Variants in MIS18BP1 observed in about 807,000 individuals in gnomAD.
MIS18BP1 encodes MIS18 binding protein 1, also known as mis18-binding protein 1.
A neutral mutation model predicts 116.1 loss-of-function variants in MIS18BP1; 72 were observed. The observed-to-expected ratio is 0.62, with a 90% confidence interval of 0.51 to 0.75. The LOEUF (loss-of-function observed/expected upper bound fraction) is 0.75. Ranked by LOEUF, MIS18BP1 falls within the 30% of genes least tolerant of loss-of-function variation. MIS18BP1 has a pLI of 0.00. For missense variants in MIS18BP1, 1,363 were observed against 1,303.2 expected, an observed-to-expected ratio of 1.05 and a Z score of -0.71; for synonymous variants, 386 against 427.0, an observed-to-expected ratio of 0.90 and a Z score of 1.18.
chr14:45,236,467 T>C (rs1891431704), intron 5 of MIS18BP1, among the ~76,000 whole-genome samples: 1 of 152,190 alleles, frequency 6.6e-6, no homozygotes, highest in African/African-American at 2.4e-5. Flanking sequence ...CATAAATCTA[T>C]TCTTTATATT....
chr14:45,246,237 A>G (rs2139247593), intron 2 of MIS18BP1, among the ~76,000 whole-genome samples: 1 of 152,266 alleles, frequency 6.6e-6, no homozygotes, highest in South Asian at 2.1e-4. Context: ...TTTACCTACA[A>G]GGCCCTTATA....
At chr14:45,227,148 TGAGA>T (rs1891143627) in intron 9 of MIS18BP1, among the ~76,000 whole-genome samples, 1 of 152,176 alleles carries the variant, frequency 6.6e-6, no homozygotes, top group Non-Finnish European at 1.5e-5. Flanking sequence ...ATTTTTTCAT[TGAGA>T]GACAGGGAAA....
chr14:45,203,860 CTA>C lies in MIS18BP1; in HGVS notation c.*247_*248del. 4.7e-6 allele frequency: 1 copy of C among 212,772 alleles called. No homozygotes were observed. The allele number at this position is 212,772 out of a possible 1,614,324, so 13.2% of individuals were successfully genotyped here. On this transcript the variant is annotated 3_prime_UTR_variant, in exon 17 of 17. Coordinates refer to ENST00000310806, the MANE Select transcript of MIS18BP1 (RefSeq NM_018353.5). The stretch of plus-strand genomic sequence containing the variant: ...ACTTGGATGCTTATTAAAAAATTAT[CTA>C]TATATATTTTAATATGCAAAAACAA...
Position 45,204,053 on chromosome 14 carries a change from T to TACAA in MIS18BP1, c.*52_*55dup. 1 of 1,572,868 alleles carries TACAA rather than the reference T, an allele frequency of 6.4e-7. No homozygotes were observed. The highest frequency in any genetic ancestry group is 8.6e-7 in the Non-Finnish European group (1 of 1,162,844). ...AAAATACATGTACTCCAGTTGAAAA[T>TACAA]ACAAACACTGTCTGCTTTATGGTAA... On this transcript the variant is annotated 3_prime_UTR_variant, in exon 17 of 17. Coordinates refer to ENST00000310806, the MANE Select transcript of MIS18BP1 (RefSeq NM_018353.5).
At chr14:45,237,193 G>A (rs753065886) in intron 5 of MIS18BP1, among the ~76,000 whole-genome samples, 1 of 151,952 alleles carries the variant, frequency 6.6e-6, no homozygotes, top group Non-Finnish European at 1.5e-5. Flanking sequence ...CTCACTTTAG[G>A]GAGAACCAGA....
chr14:45,220,910 G>C (rs1306947293), intron 11 of MIS18BP1, among the ~76,000 whole-genome samples: 1 of 152,120 alleles, frequency 6.6e-6, no homozygotes, highest in African/African-American at 2.4e-5. Flanking sequence ...CAAGGCAGGT[G>C]AATCACTTGA....
chr14:45,250,580 G>T (rs191943362), intron 1 of MIS18BP1, among the ~76,000 whole-genome samples: 9 of 152,294 alleles, frequency 5.9e-5, no homozygotes, highest in African/African-American at 2.2e-4. Context: ...ACTGGAGAAA[G>T]TATGTTTCCG....
intron 8 of MIS18BP1, 93 bp downstream of exon 8, chr14:45,231,048 A>G: frequency 1.5e-6 from 2 of 1,325,104 alleles, no homozygotes. Flanking sequence ...TATACTATAC[A>G]CATTACTACT....
chr14:45,214,722 GCTGT>G (rs1185411517), intron 13 of MIS18BP1, among the ~76,000 whole-genome samples: 17 of 152,248 alleles, frequency 1.1e-4, no homozygotes, highest in Admixed American at 3.3e-4. Context: ...ATAATTTGTT[GCTGT>G]CTATTTCTAC....
chr14:45,224,973 T>C (rs1891087026), intron 10 of MIS18BP1, among the ~76,000 whole-genome samples: 1 of 152,196 alleles, frequency 6.6e-6, no homozygotes, highest in South Asian at 2.1e-4. Context: ...CAGTGACTTC[T>C]CACAGTCTTT....
At chr14:45,219,039 T>A (rs1890900664) in intron 11 of MIS18BP1, among the ~76,000 whole-genome samples, 1 of 152,116 alleles carries the variant, frequency 6.6e-6, no homozygotes, top group South Asian at 2.1e-4. Context: ...TTCTACAAGT[T>A]CCTTTGTAAA....
rs893439990 is a variant in MIS18BP1, at chr14:45,248,024, G to C, written c.-91-647C>G. Among the ~76,000 whole-genome samples the C allele has an allele frequency of 3.3e-4, 48 of 144,864 alleles. 1 individual carries two copies. Among genetic ancestry groups the C allele is most frequent in the South Asian group, 6.8e-4 (3 of 4,424 alleles). The stretch of plus-strand genomic sequence containing the variant: ...AATTTTTAGCAGAAATACTGTACTT[G>C]AGTTTACGTAGTTTTAGTCTTGTTT... On this transcript the variant is annotated intron_variant, in intron 1 of 16. Transcript: ENST00000310806.
At chr14:45,241,931 A>C in intron 4 of MIS18BP1, 103 bp downstream of exon 4, 2 of 1,291,190 alleles carry the variant, frequency 1.5e-6, no homozygotes, top group Non-Finnish European at 1.1e-6. Flanking sequence ...ATACAGGTTC[A>C]AATCCTAGCT....
At chr14:45,215,511 CA>C (rs1890792626) in intron 13 of MIS18BP1, among the ~76,000 whole-genome samples, 1 of 151,762 alleles carries the variant, frequency 6.6e-6, no homozygotes, top group Admixed American at 6.6e-5. Flanking sequence ...CTATGGGGTT[CA>C]AGTGATTCTC....
Position 45,242,259 on chromosome 14 carries a change from A to G in MIS18BP1, c.918T>C (p.Ser306=), listed in dbSNP as rs1566820505. The G allele has an allele frequency of 6.2e-7, 1 of 1,614,020 alleles. No homozygotes were observed. Among genetic ancestry groups the G allele is most frequent in the Non-Finnish European group, 8.5e-7 (1 of 1,179,982 alleles). Residue 306 remains serine, a synonymous_variant, in exon 4 of 17, where the codon AGT becomes AGC. Transcript: ENST00000310806. The stretch of plus-strand genomic sequence containing the variant: ...GCGAAGTCCCTTCTGTTGTCCTCTC[A>G]CTATCAGAAACCATTAACAGGCTGC... ...KNGSLLMVSD[S]ERTTEGTSQQ...
chr14:45,222,006 T>C (rs1890989424), intron 11 of MIS18BP1, among the ~76,000 whole-genome samples: 1 of 152,232 alleles, frequency 6.6e-6, no homozygotes, highest in Admixed American at 6.5e-5. Flanking sequence ...TCTTTCTTTA[T>C]TCCTGGTTAT....
chr14:45,248,923 T>C (rs1322561671), intron 1 of MIS18BP1, among the ~76,000 whole-genome samples: 1 of 152,160 alleles, frequency 6.6e-6, no homozygotes, highest in Admixed American at 6.5e-5. Context: ...TTCTGTTTTA[T>C]TTTTGAGACA....
At chr14:45,211,068 GA>G (rs1291541391) in intron 13 of MIS18BP1, among the ~76,000 whole-genome samples, 1 of 152,126 alleles carries the variant, frequency 6.6e-6, no homozygotes, top group Non-Finnish European at 1.5e-5. Context: ...CCAATTTTAA[GA>G]TATAACTTTG....
rs1891134956 is a variant in MIS18BP1, at chr14:45,226,815, ATTC to A, written c.1765_1767del (p.Glu589del). On this transcript the variant is annotated inframe_deletion, in exon 10 of 17. Coordinates refer to ENST00000310806, the MANE Select transcript of MIS18BP1 (RefSeq NM_018353.5). ...TTTAGTTTCTTTGAAGACATTTTAT[ATTC>A]TTTTTTTCCAATTAATTCCTTCAAA... The A allele has an allele frequency of 3.6e-6, 5 of 1,398,698 alleles. No homozygotes were observed. The South Asian group carries it at 5.6e-5, about 16-fold the overall frequency. The allele number at this position is 1,398,698 out of a possible 1,614,324, so 86.6% of individuals were successfully genotyped here. A position where few individuals can be genotyped will look rare whatever the true frequency, so the allele number is the denominator to read the frequency against.
Sources: gnomAD v4.1 joint callset for allele counts (sites outside exome capture counted in the v4.1 genomes callset) on GRCh38, gnomAD v4.1.1 for gene constraint, MANE v1.5 for transcripts, NCBI Gene and HGNC (gene_info 2026-07-23, HGNC 2026-07-21) for gene names.